PCDH11X: variants seen among roughly 807,000 people sequenced by gnomAD.
PCDH11X encodes protocadherin-11 X-linked.
Under a neutral mutation model 53.3 loss-of-function variants are expected in PCDH11X, and 18 were observed. The observed-to-expected ratio is 0.34, with a 90% CI of 0.23 to 0.50. PCDH11X has a LOEUF of 0.50. PCDH11X is among the 20% of genes least tolerant of loss of function. The pLI, the probability that PCDH11X is intolerant of heterozygous loss-of-function variation, is 0.98. For missense variants in PCDH11X, 570 were observed against 1,032.4 expected, an observed-to-expected ratio of 0.55 and a Z score of 6.14; for synonymous variants, 279 against 393.3, an observed-to-expected ratio of 0.71 and a Z score of 3.44.
chrX:92,582,162 G>A (rs1473899095), intron 10 of PCDH11X, among the ~76,000 whole-genome samples: 35 of 89,193 alleles, frequency 3.9e-4, no homozygotes, highest in South Asian at 5.3e-4. Context: ...AATTCAAGCC[G>A]GCTTCAGAAA....
intron 6 of PCDH11X, among the ~76,000 whole-genome samples, chrX:92,132,645 A>ATATATATG (rs1569376557): frequency 3.1e-4 from 18 of 58,156 alleles, no homozygotes; most frequent in African/African-American, 1.1e-3. Context: ...GTATATATAT[A>ATATATATG]TATATATATA....
chrX:91,978,829 A>G (rs1405593942), intron 6 of PCDH11X, among the ~76,000 whole-genome samples: 5 of 112,515 alleles, frequency 4.4e-5, no homozygotes, highest in African/African-American at 1.3e-4. Context: ...GCCACCATCA[A>G]TGACAGCAGC....
At chrX:91,805,893 A>G (rs1446405065) in intron 1 of PCDH11X, among the ~76,000 whole-genome samples, 6 of 109,691 alleles carry the variant, frequency 5.5e-5, no homozygotes, top group Non-Finnish European at 1.1e-4. Flanking sequence ...ACCCACCTCA[A>G]ATAAAAAGAA....
At chrX:91,792,400 A>T (rs1169229362) in intron 1 of PCDH11X, among the ~76,000 whole-genome samples, 2 of 110,791 alleles carry the variant, frequency 1.8e-5, no homozygotes, top group African/African-American at 6.6e-5. Context: ...TTCAGAATCA[A>T]TTTGAGTAGA....
At chrX:91,977,902 A>G (rs1427535994) in intron 6 of PCDH11X, among the ~76,000 whole-genome samples, 1 of 111,277 alleles carries the variant, frequency 9.0e-6, no homozygotes, top group East Asian at 2.8e-4. Flanking sequence ...CCTTCCTTAG[A>G]CAGTTGTAAT....
intron 8 of PCDH11X, among the ~76,000 whole-genome samples, chrX:92,302,785 C>T (rs2148471842): frequency 9.2e-6 from 1 of 109,025 alleles, no homozygotes; most frequent in African/African-American, 3.3e-5. Context: ...TTCAACTAAG[C>T]TAAGCCCAGA....
chrX:91,922,011 GCA>G (rs1447554958), intron 6 of PCDH11X, among the ~76,000 whole-genome samples: 4 of 110,526 alleles, frequency 3.6e-5, no homozygotes, highest in African/African-American at 1.3e-4. Context: ...TTAGTATTTG[GCA>G]TTACATATGC....
At position 92,093,357 on chromosome X, in the gene PCDH11X, T is replaced by C. The variant is rs377020421; in HGVS notation, c.3034-108018T>C. Among the ~76,000 whole-genome samples, 4 of 111,477 alleles carry C rather than the reference T, an allele frequency of 3.6e-5. No individual in the cohort carries two copies. The East Asian group carries it at 8.5e-4, about 24-fold the overall frequency. ...CATTGCTTTTCCCTTTTAGCATAATTTGCACATTTTAAATCATGTAACCAT... is the reference window on the plus strand; with the variant it reads ...CATTGCTTTTCCCTTTTAGCATAATCTGCACATTTTAAATCATGTAACCAT... On this transcript the variant is annotated intron_variant, in intron 6 of 10. Coordinates refer to ENST00000682573, the MANE Select transcript of PCDH11X (RefSeq NM_032968.5).
intron 6 of PCDH11X, among the ~76,000 whole-genome samples, chrX:92,055,497 C>CTA (rs2148054307): frequency 1.0e-5 from 1 of 100,032 alleles, no homozygotes; most frequent in Non-Finnish European, 2.0e-5. Context: ...TATTTCGTTG[C>CTA]TATATATATT....
chrX:92,330,919 T>C (rs1357569439), intron 8 of PCDH11X, among the ~76,000 whole-genome samples: 1 of 97,819 alleles, frequency 1.0e-5, no homozygotes, highest in African/African-American at 3.7e-5. Context: ...ATGAAAATGT[T>C]CAAGAGTGAG....
At chrX:91,791,155 T>G (rs1286895729) in intron 1 of PCDH11X, among the ~76,000 whole-genome samples, 2 of 110,332 alleles carry the variant, frequency 1.8e-5, no homozygotes, top group Non-Finnish European at 3.8e-5. Flanking sequence ...ATTTCATTAC[T>G]CTTAACATTA....
chrX:92,348,235 A>G lies in PCDH11X; in HGVS notation c.3145-39500A>G, dbSNP rs375940502. 2.8e-3 allele frequency among the ~76,000 whole-genome samples: 314 copies of G among 111,568 alleles called. 6 individuals carry two copies. In the East Asian group the frequency reaches 0.052, roughly 19 times the overall value. On this transcript the variant is annotated intron_variant, in intron 8 of 10. Transcript: ENST00000682573. The stretch of plus-strand genomic sequence containing the variant: ...TTGGTGAAGTTCTGGACTACTAGCA[A>G]CCAATGATCCAGCCCCGGGCTGGGT...
intron 6 of PCDH11X, among the ~76,000 whole-genome samples, chrX:92,186,290 C>A (rs1430644420): frequency 9.0e-6 from 1 of 111,665 alleles, no homozygotes; most frequent in Admixed American, 9.5e-5. Context: ...TGTTCTCATT[C>A]ATATGTGGGA....
intron 4 of PCDH11X, among the ~76,000 whole-genome samples, chrX:91,828,007 A>T (rs1247873643): frequency 9.1e-6 from 1 of 110,476 alleles, no homozygotes; most frequent in African/African-American, 3.3e-5. Context: ...ATGAATAACA[A>T]TCTGTAAATT....
intron 9 of PCDH11X, among the ~76,000 whole-genome samples, chrX:92,445,397 A>T (rs181492016): frequency 0.027 from 2,729 of 101,777 alleles, 70 homozygotes; most frequent in Middle Eastern, 0.081. Context: ...AGGATCACGT[A>T]TATTTCTGTG....
chrX:92,054,837 AAAAAAAAG>A (rs2063423711), intron 6 of PCDH11X, among the ~76,000 whole-genome samples: 2 of 107,240 alleles, frequency 1.9e-5, no homozygotes, highest in African/African-American at 6.7e-5. Context: ...AAAAAAAAAA[AAAAAAAAG>A]AAAAGAAAAG....
chrX:92,010,246 G>T (rs979346949), intron 6 of PCDH11X, among the ~76,000 whole-genome samples: 58 of 109,121 alleles, frequency 5.3e-4, no homozygotes, highest in Admixed American at 8.9e-4. Flanking sequence ...CAAAGAAAAA[G>T]AAATATTTTT....
chrX:92,330,193 T>A (rs2069431365), intron 8 of PCDH11X, among the ~76,000 whole-genome samples: 2 of 109,931 alleles, frequency 1.8e-5, no homozygotes, highest in African/African-American at 6.6e-5. Flanking sequence ...TATTTGAAAA[T>A]CTCATATTTG....
chrX:91,969,184 A>T (rs1161784872), intron 6 of PCDH11X, among the ~76,000 whole-genome samples: 2 of 109,814 alleles, frequency 1.8e-5, no homozygotes, highest in African/African-American at 3.3e-5. Context: ...GGTATAAAAA[A>T]TAGTTGGTTA....
Sources: gnomAD v4.1 joint callset for allele counts (sites outside exome capture counted in the v4.1 genomes callset) on GRCh38, gnomAD v4.1.1 for gene constraint, MANE v1.5 for transcripts, NCBI Gene and HGNC (gene_info 2026-07-23, HGNC 2026-07-21) for gene names.